Variants in CSMD3 observed in about 807,000 individuals in gnomAD.
CSMD3 encodes CUB and sushi domain-containing protein 3.
CSMD3 carries 177 observed loss-of-function variants against 435.2 expected under a neutral mutation model. The observed-to-expected ratio is 0.41, with a 90% CI of 0.36 to 0.46. The LOEUF (loss-of-function observed/expected upper bound fraction) is 0.46, where lower values mean the gene tolerates loss of function less well. Among genes scored for constraint, CSMD3 ranks in the 20% least tolerant of loss-of-function variants. The pLI is 0.34. For missense variants in CSMD3, 4,265 were observed against 4,504.6 expected (o/e 0.95, Z 1.52); for synonymous variants, 1,656 against 1,520.5 (o/e 1.09, Z -2.07).
chr8:112,736,266 T>C (rs183517982), intron 13 of CSMD3, among the ~76,000 whole-genome samples: 22 of 152,020 alleles, frequency 1.4e-4, no homozygotes, highest in Non-Finnish European at 2.5e-4. Context: ...GAGTTAGTTT[T>C]CTGGGTTAAA....
rs1310339055 is a variant in CSMD3, at chr8:113,138,229, T to C, written c.709+35493A>G. On this transcript the variant is annotated intron_variant, in intron 4 of 70. Transcript: ENST00000297405. ...TTATAGACTGTCTTGAAGTATGTCA[T>C]CCATAATTGTGGACATGTATAGTTT... Among the ~76,000 whole-genome samples the C allele has an allele frequency of 2.6e-5, 4 of 151,604 alleles. No individual in the cohort carries two copies. In the East Asian group the frequency reaches 7.8e-4, roughly 29 times the overall value.
intron 13 of CSMD3, among the ~76,000 whole-genome samples, chr8:112,702,555 C>A (rs1236056032): frequency 6.6e-6 from 1 of 152,064 alleles, no homozygotes; most frequent in African/African-American, 2.4e-5. Context: ...TCTGCCCCTT[C>A]TCTGCTCGCT....
At chr8:112,415,679 G>C (rs1275349729) in intron 32 of CSMD3, among the ~76,000 whole-genome samples, 1 of 152,288 alleles carries the variant, frequency 6.6e-6, no homozygotes, top group East Asian at 1.9e-4. Flanking sequence ...CAGCCAGGAT[G>C]GGGGTTTTAC....
At chr8:112,647,460 C>G (rs1041375427) in intron 19 of CSMD3, among the ~76,000 whole-genome samples, 2 of 152,110 alleles carry the variant, frequency 1.3e-5, no homozygotes, top group Non-Finnish European at 2.9e-5. Flanking sequence ...GCGCTCGCCA[C>G]CACGCCCGGC....
intron 13 of CSMD3, among the ~76,000 whole-genome samples, chr8:112,762,525 T>C (rs1336738230): frequency 1.3e-5 from 2 of 151,936 alleles, no homozygotes; most frequent in African/African-American, 4.8e-5. Flanking sequence ...TGTTTTATAT[T>C]TTCTTGGTAA....
At chr8:113,143,667 AG>A (rs2091604233) in intron 4 of CSMD3, among the ~76,000 whole-genome samples, 1 of 151,202 alleles carries the variant, frequency 6.6e-6, no homozygotes, top group Admixed American at 6.6e-5. Context: ...ATGCATCCCC[AG>A]GGAATTATGC....
chr8:113,030,356 AAC>A (rs1311944874), intron 5 of CSMD3, among the ~76,000 whole-genome samples: 5 of 149,154 alleles, frequency 3.4e-5, no homozygotes, highest in Admixed American at 1.3e-4. Context: ...CTGGATGCAT[AAC>A]ACTACCTGAT....
At chr8:113,327,526 T>G (rs1018052169) in intron 1 of CSMD3, among the ~76,000 whole-genome samples, 4 of 152,150 alleles carry the variant, frequency 2.6e-5, no homozygotes, top group African/African-American at 7.2e-5. Context: ...CTCTTCCCAG[T>G]AGGAACCTTC....
At chr8:112,689,757 T>C in intron 14 of CSMD3, 111 bp downstream of exon 14, 1 of 855,170 alleles carries the variant, frequency 1.2e-6, no homozygotes, top group Non-Finnish European at 1.9e-6. Flanking sequence ...AAAGTGCTAC[T>C]CACTCAAAAA....
At chr8:112,382,425 A>T (rs1044257814) in intron 37 of CSMD3, among the ~76,000 whole-genome samples, 7 of 152,230 alleles carry the variant, frequency 4.6e-5, no homozygotes, top group African/African-American at 1.4e-4. Flanking sequence ...GTTTAAATCA[A>T]ATCACTCTTG....
chr8:112,501,908 A>G (rs1822005017), intron 30 of CSMD3, among the ~76,000 whole-genome samples: 1 of 152,340 alleles, frequency 6.6e-6, no homozygotes, highest in African/African-American at 2.4e-5. Context: ...AATCTCAAAA[A>G]CAATTTAAGG....
intron 38 of CSMD3, among the ~76,000 whole-genome samples, chr8:112,377,325 C>T (rs1427445612): frequency 6.6e-6 from 1 of 151,798 alleles, no homozygotes. Context: ...TCTACATGGA[C>T]CCATAACTAG....
At chr8:112,727,465 G>T (rs1318666944) in intron 13 of CSMD3, among the ~76,000 whole-genome samples, 6 of 151,832 alleles carry the variant, frequency 4.0e-5, no homozygotes, top group African/African-American at 1.2e-4. Context: ...AACAAAGAGG[G>T]TGAGTGAGCA....
At chr8:112,393,416 C>T (rs1032236242) in intron 35 of CSMD3, among the ~76,000 whole-genome samples, 4 of 152,136 alleles carry the variant, frequency 2.6e-5, no homozygotes, top group African/African-American at 9.7e-5. Context: ...TTTGGAATTT[C>T]CCTGTGTTAA....
chr8:113,181,442 A>C (rs2092420539), intron 3 of CSMD3, among the ~76,000 whole-genome samples: 1 of 152,036 alleles, frequency 6.6e-6, no homozygotes, highest in African/African-American at 2.4e-5. Flanking sequence ...TTTATGGTTA[A>C]ATACAAGGTA....
intron 3 of CSMD3, among the ~76,000 whole-genome samples, chr8:113,194,177 G>C (rs1218654242): frequency 6.6e-6 from 1 of 151,254 alleles, no homozygotes; most frequent in East Asian, 1.9e-4. Flanking sequence ...ACACTGCCAT[G>C]CTGCCTTTAA....
At chr8:112,987,487 G>T (rs944482581) in intron 6 of CSMD3, among the ~76,000 whole-genome samples, 1 of 152,068 alleles carries the variant, frequency 6.6e-6, no homozygotes, top group Non-Finnish European at 1.5e-5. Context: ...GCCAGACATA[G>T]TGCTAATTTA....
rs73701373 is a variant in CSMD3 at position 113,341,325 on chromosome 8, G to C, written c.179-26532C>G. On this transcript the variant is annotated intron_variant, in intron 1 of 70. Transcript: ENST00000297405. ...GAGCTTACTCCTCCTAATCTTAATT[G>C]CACCTGTTGACCAGCAGCAAAGTTT... Among the ~76,000 whole-genome samples, 1,163 of 152,086 alleles carry C rather than the reference G, an allele frequency of 7.6e-3. 19 individuals are homozygous for C. The highest frequency in any genetic ancestry group is 0.027 in the African/African-American group (1,113 of 41,488).
chr8:112,713,906 C>A (rs1300308177), intron 13 of CSMD3, among the ~76,000 whole-genome samples: 1 of 151,726 alleles, frequency 6.6e-6, no homozygotes. Context: ...GCCTGCCTTG[C>A]AAGAGCTCCT....
Sources: gnomAD v4.1 joint callset for allele counts (sites outside exome capture counted in the v4.1 genomes callset) on GRCh38, gnomAD v4.1.1 for gene constraint, MANE v1.5 for transcripts, NCBI Gene and HGNC (gene_info 2026-07-23, HGNC 2026-07-21) for gene names.